Variants in ATL2 observed in about 807,000 individuals in gnomAD.
ATL2 encodes the protein atlastin GTPase 2, also known as atlastin-2.
Under a neutral mutation model 73.9 loss-of-function variants are expected in ATL2, and 31 were observed. The observed-to-expected ratio is 0.42, with a 90% CI of 0.32 to 0.57. The LOEUF (loss-of-function observed/expected upper bound fraction) is 0.57, where lower values mean the gene tolerates loss of function less well. ATL2 is among the 20% of genes least tolerant of loss of function. The pLI, the probability that ATL2 is intolerant of heterozygous loss-of-function variation, is 0.14. For missense variants in ATL2, 738 were observed against 702.6 expected, an observed-to-expected ratio of 1.05 and a Z score of -0.57; for synonymous variants, 291 against 237.5, an observed-to-expected ratio of 1.23 and a Z score of -2.07.
chr2:38,366,515 G>T (rs1558458407), intron 1 of ATL2, among the ~76,000 whole-genome samples: 1 of 152,052 alleles, frequency 6.6e-6, no homozygotes, highest in Non-Finnish European at 1.5e-5. Flanking sequence ...CCAAAATACT[G>T]CCTATCTTTT....
chr2:38,373,107 C>T (rs185604627), intron 1 of ATL2, among the ~76,000 whole-genome samples: 14 of 152,272 alleles, frequency 9.2e-5, no homozygotes, highest in Admixed American at 6.5e-4. Flanking sequence ...AGCCTTGTTA[C>T]GGATTATCAC....
At chr2:38,376,492 A>G in intron 1 of ATL2, 1 of 209,098 alleles carries the variant, frequency 4.8e-6, no homozygotes, top group Non-Finnish European at 9.4e-6. Context: ...CTTGCACCCT[A>G]GCCACGCACA....
chr2:38,310,569 C>A, intron 7 of ATL2, 122 bp from the exon 8 acceptor site: 1 of 616,300 alleles, frequency 1.6e-6, no homozygotes, highest in Non-Finnish European at 2.4e-6. Flanking sequence ...CCTAAGGAGT[C>A]TTTTTTGACA....
At position 38,328,689 on chromosome 2, in the gene ATL2, A is replaced by G. The variant is rs146412276; in HGVS notation, c.364-9670T>C. On this transcript the variant is annotated intron_variant, in intron 2 of 12. Coordinates refer to ENST00000378954, the MANE Select transcript of ATL2 (RefSeq NM_001135673.4). ...GAAATGCAGCAAAAACCATGATTACAGAATTTATAGCATTAGATGCATACA... is the reference window on the plus strand; with the variant it reads ...GAAATGCAGCAAAAACCATGATTACGGAATTTATAGCATTAGATGCATACA... 3.3e-5 allele frequency among the ~76,000 whole-genome samples: 5 copies of G among 152,324 alleles called. No homozygotes were observed. The East Asian group carries it at 9.6e-4, about 29-fold the overall frequency.
intron 1 of ATL2, among the ~76,000 whole-genome samples, chr2:38,344,448 A>G (rs1669905329): frequency 6.6e-6 from 1 of 152,100 alleles, no homozygotes. Context: ...CGTCTCTACT[A>G]AAAATACAAA....
intron 7 of ATL2, 135 bp downstream of exon 7, chr2:38,313,016 G>C: frequency 1.7e-6 from 1 of 587,060 alleles, no homozygotes; most frequent in African/African-American, 1.9e-5. Flanking sequence ...ATTACAAACA[G>C]AGTCACTTGG....
At chr2:38,327,436 G>A (rs553855707) in intron 2 of ATL2, among the ~76,000 whole-genome samples, 5 of 146,490 alleles carry the variant, frequency 3.4e-5, no homozygotes, top group Admixed American at 1.4e-4. Context: ...CAAAAAACAC[G>A]TTTAACAGAT....
At chr2:38,356,892 C>T (rs916744377) in intron 1 of ATL2, among the ~76,000 whole-genome samples, 1 of 152,178 alleles carries the variant, frequency 6.6e-6, no homozygotes, top group Admixed American at 6.5e-5. Flanking sequence ...TAAATTACCA[C>T]CCTAAAGTCC....
At chr2:38,363,336 A>C (rs1671116936) in intron 1 of ATL2, among the ~76,000 whole-genome samples, 1 of 148,294 alleles carries the variant, frequency 6.7e-6, no homozygotes, top group South Asian at 2.2e-4. Context: ...ACCTGAAAAA[A>C]GCTACCAAAA....
At chr2:38,353,333 A>T (rs1244338646) in intron 1 of ATL2, among the ~76,000 whole-genome samples, 1 of 152,216 alleles carries the variant, frequency 6.6e-6, no homozygotes, top group Non-Finnish European at 1.5e-5. Context: ...CTGGATGGAC[A>T]ACAGCAGACT....
intron 7 of ATL2, among the ~76,000 whole-genome samples, chr2:38,311,607 A>G (rs530929929): frequency 6.6e-6 from 1 of 152,198 alleles, no homozygotes; most frequent in Non-Finnish European, 1.5e-5. Flanking sequence ...ACTCAAATAC[A>G]TTCTGTATGT....
At chr2:38,321,983 G>A (rs527949694) in intron 2 of ATL2, among the ~76,000 whole-genome samples, 1 of 152,040 alleles carries the variant, frequency 6.6e-6, no homozygotes, top group Non-Finnish European at 1.5e-5. Context: ...ACTCCCCATA[G>A]ATCTCAACAC....
chr2:38,367,941 CTT>C (rs1044102346), intron 1 of ATL2, among the ~76,000 whole-genome samples: 3 of 135,904 alleles, frequency 2.2e-5, no homozygotes, highest in East Asian at 2.2e-4. Context: ...CCTAAAACAA[CTT>C]TTTTTTTTTT....
At chr2:38,343,175 AAAAGATATAGTTCTGG>A in intron 2 of ATL2, 77 bp downstream of exon 2, 2 of 740,104 alleles carry the variant, frequency 2.7e-6, no homozygotes, top group Non-Finnish European at 3.8e-6. Flanking sequence ...AAAAAAAAAA[AAAAGATATAGTTCTGG>A]TTTTTGTCTA....
intron 2 of ATL2, among the ~76,000 whole-genome samples, chr2:38,326,787 A>C (rs1668687806): frequency 6.6e-6 from 1 of 152,142 alleles, no homozygotes; most frequent in African/African-American, 2.4e-5. Context: ...CTGGAGTTCG[A>C]GACCAGCCTG....
intron 1 of ATL2, among the ~76,000 whole-genome samples, chr2:38,357,535 C>T (rs1211642086): frequency 6.6e-6 from 1 of 150,904 alleles, no homozygotes; most frequent in Non-Finnish European, 1.5e-5. Context: ...ACCTGTAGTC[C>T]CAGCTATTCA....
intron 1 of ATL2, among the ~76,000 whole-genome samples, chr2:38,375,414 A>C (rs1245820387): frequency 6.6e-6 from 1 of 152,216 alleles, no homozygotes; most frequent in Non-Finnish European, 1.5e-5. Flanking sequence ...CGTCCTAAAA[A>C]ACAAAGGACA....
chr2:38,314,718 T>G, intron 5 of ATL2, 54 bp from the exon 6 acceptor site: 1 of 1,136,618 alleles, frequency 8.8e-7, no homozygotes, highest in Non-Finnish European at 1.3e-6. Context: ...AAAGAAGACA[T>G]GTGTAAACCT....
chr2:38,355,011 T>C (rs942704766), intron 1 of ATL2, among the ~76,000 whole-genome samples: 19 of 152,196 alleles, frequency 1.2e-4, no homozygotes, highest in African/African-American at 4.1e-4. Context: ...ACACGCAAGA[T>C]GGCAACCTTA....
Sources: allele counts gnomAD v4.1 joint callset (sites outside exome capture counted in the v4.1 genomes callset), GRCh38; gene constraint gnomAD v4.1.1; transcripts MANE v1.5; gene names NCBI Gene and HGNC (gene_info 2026-07-23, HGNC 2026-07-21).